The following ADAM32 variants were observed in gnomAD, a reference collection of about 807,000 sequenced individuals.
The protein encoded by ADAM32 is disintegrin and metalloproteinase domain-containing protein 32.
Under a neutral mutation model 114.9 loss-of-function variants are expected in ADAM32, and 89 were observed. The ratio of observed to expected loss-of-function variants is 0.77; its 90% CI spans 0.65 to 0.92. The LOEUF is 0.92. Ranked by LOEUF, ADAM32 falls within the 40% of genes least tolerant of loss-of-function variation. ADAM32 has a pLI of 0.00. For missense variants in ADAM32, 870 were observed against 932.8 expected (o/e 0.93, Z 0.88); for synonymous variants, 285 against 307.5 (o/e 0.93, Z 0.77).
At chr8:39,243,535 A>T (rs572203854) in intron 16 of ADAM32, among the ~76,000 whole-genome samples, 1 of 152,348 alleles carries the variant, frequency 6.6e-6, no homozygotes, top group Non-Finnish European at 1.5e-5. Context: ...AAATCAGATG[A>T]TCATTTCAAT....
chr8:39,235,267 ACTT>A (rs1810044365), intron 16 of ADAM32, among the ~76,000 whole-genome samples: 2 of 152,182 alleles, frequency 1.3e-5, no homozygotes, highest in Non-Finnish European at 2.9e-5. Flanking sequence ...TCTGCCACTT[ACTT>A]GATAGATGAT....
At chr8:39,210,739 C>T (rs1808151357) in intron 11 of ADAM32, among the ~76,000 whole-genome samples, 1 of 152,066 alleles carries the variant, frequency 6.6e-6, no homozygotes, top group Non-Finnish European at 1.5e-5. Context: ...GATAAATATA[C>T]ACTTTTTTTC....
intron 16 of ADAM32, among the ~76,000 whole-genome samples, chr8:39,245,529 T>C (rs1251590516): frequency 2.0e-5 from 3 of 152,094 alleles, no homozygotes; most frequent in Non-Finnish European, 4.4e-5. Context: ...TGCATCCTTA[T>C]AAAAAATAGA....
chr8:39,107,803 G>T lies in ADAM32; in HGVS notation c.28G>T (p.Gly10Trp), dbSNP rs1186152120. 6.5e-7 allele frequency: 1 copy of T among 1,549,566 alleles called. No homozygotes were observed. Among genetic ancestry groups the T allele is most frequent in the Non-Finnish European group, 8.7e-7 (1 of 1,146,362 alleles). The change falls in exon 1 of 25, where the codon GGG (glycine) becomes TGG (tryptophan). Residue 10 changes from glycine to tryptophan, a missense_variant. Transcript: ENST00000379907. ...GTTCCGCCTCTGGTTGCTGCTGGCC[G>T]GGCTCTGCGGCCTCCTGGCGTCAAG... MFRLWLLLA[G>W]LCGLLASRPG...
chr8:39,151,286 A>G (rs1803809119), intron 5 of ADAM32, 91 bp from the exon 6 acceptor site: 1 of 1,155,358 alleles, frequency 8.7e-7, no homozygotes, highest in Non-Finnish European at 1.2e-6. Context: ...TGGACTCAAA[A>G]CGTTTTATTT....
chr8:39,254,225 C>CTTTTTTTTTTTTTTTTTT (rs59048344), intron 17 of ADAM32, among the ~76,000 whole-genome samples, 189 bp from the exon 18 acceptor site: 1 of 125,334 alleles, frequency 8.0e-6, no homozygotes, highest in African/African-American at 2.9e-5. Context: ...CTTTATAGTT[C>CTTTTTTTTTTTTTTTTTT]TTTTTTTTTT....
intron 12 of ADAM32, among the ~76,000 whole-genome samples, chr8:39,214,949 C>G (rs1389897141): frequency 2.0e-5 from 3 of 151,994 alleles, no homozygotes; most frequent in Admixed American, 2.0e-4. Flanking sequence ...AGAGACTGTT[C>G]TTTCCCAAGT....
At chr8:39,199,722 T>C (rs986618775) in intron 11 of ADAM32, among the ~76,000 whole-genome samples, 1 of 152,092 alleles carries the variant, frequency 6.6e-6, no homozygotes, top group Non-Finnish European at 1.5e-5. Context: ...GCTGCACCCA[T>C]TAACTCATCA....
At chr8:39,125,329 T>C (rs1202724242) in intron 2 of ADAM32, among the ~76,000 whole-genome samples, 1 of 152,174 alleles carries the variant, frequency 6.6e-6, no homozygotes, top group African/African-American at 2.4e-5. Flanking sequence ...CTTTCTTTTT[T>C]TCTGGTTTCT....
At chr8:39,232,677 A>G (rs1368717099) in intron 15 of ADAM32, among the ~76,000 whole-genome samples, 1 of 152,136 alleles carries the variant, frequency 6.6e-6, no homozygotes, top group Admixed American at 6.6e-5. Context: ...TTATGCTGTT[A>G]CTTTTGTTTA....
At chr8:39,278,832 T>C (rs1813251699) in intron 22 of ADAM32, among the ~76,000 whole-genome samples, 1 of 152,160 alleles carries the variant, frequency 6.6e-6, no homozygotes, top group Admixed American at 6.5e-5. Flanking sequence ...TCAACATTTG[T>C]GTTAAATGCC....
chr8:39,257,493 G>C, intron 19 of ADAM32, 150 bp downstream of exon 19: 2 of 1,016,736 alleles, frequency 2.0e-6, no homozygotes, highest in Middle Eastern at 3.0e-4. Context: ...TGAGGTAGCT[G>C]TGAATACCCA....
At chr8:39,181,136 C>T (rs1029045132) in intron 10 of ADAM32, among the ~76,000 whole-genome samples, 1 of 152,216 alleles carries the variant, frequency 6.6e-6, no homozygotes, top group Non-Finnish European at 1.5e-5. Context: ...CCGCTTGGGT[C>T]CTTTTCCACA....
chr8:39,202,007 T>A (rs190885670), intron 11 of ADAM32, among the ~76,000 whole-genome samples: 37 of 152,368 alleles, frequency 2.4e-4, no homozygotes, highest in Non-Finnish European at 4.3e-4. Flanking sequence ...AGCTTTTTGA[T>A]GTGCTGCTGG....
At chr8:39,166,694 A>T (rs1804859402) in intron 9 of ADAM32, 1 of 152,148 alleles carries the variant, frequency 6.6e-6, no homozygotes, top group African/African-American at 2.4e-5. Flanking sequence ...ATCCACACCA[A>T]CATCTACTGT....
At chr8:39,142,065 C>G (rs189230131) in intron 3 of ADAM32, among the ~76,000 whole-genome samples, 117 of 152,116 alleles carry the variant, frequency 7.7e-4, no homozygotes, top group African/African-American at 2.6e-3. Context: ...TTCCTCCATC[C>G]CTTTATTTTG....
At chr8:39,177,800 T>C (rs535500558) in intron 10 of ADAM32, among the ~76,000 whole-genome samples, 1 of 152,358 alleles carries the variant, frequency 6.6e-6, no homozygotes, top group South Asian at 2.1e-4. Context: ...AAATTCTGGG[T>C]TGAAAATTCT....
chr8:39,260,677 A>G (rs781145183), intron 19 of ADAM32, among the ~76,000 whole-genome samples: 1 of 152,084 alleles, frequency 6.6e-6, no homozygotes, highest in Non-Finnish European at 1.5e-5. Flanking sequence ...GGATTTTTAC[A>G]TCTATATTAA....
chr8:39,130,960 T>C (rs894444022), intron 2 of ADAM32: 3 of 378,570 alleles, frequency 7.9e-6, no homozygotes, highest in Non-Finnish European at 1.5e-5. Context: ...GGATGTCTTT[T>C]TTTTTTTTTT....
Sources: gnomAD v4.1 joint callset for allele counts (sites outside exome capture counted in the v4.1 genomes callset) on GRCh38, gnomAD v4.1.1 for gene constraint, MANE v1.5 for transcripts, NCBI Gene and HGNC (gene_info 2026-07-23, HGNC 2026-07-21) for gene names.